Variants in AGMO observed in about 807,000 individuals in gnomAD.
AGMO encodes alkylglycerol monooxygenase.
A neutral mutation model predicts 60.2 loss-of-function variants in AGMO; 75 were observed. The observed-to-expected ratio is 1.25, with a 90% CI of 1.03 to 1.51. The LOEUF is 1.51. Among genes scored for constraint, AGMO ranks in the 40% most tolerant of loss-of-function variants. AGMO has a pLI of 0.00. For synonymous variants in AGMO, 261 were observed against 177.1 expected (o/e 1.47, Z -3.76); for missense variants, 763 against 525.5 (o/e 1.45, Z -4.42).
chr7:15,394,084 A>C, intron 6 of AGMO, 29 bp downstream of exon 6: 2 of 1,537,442 alleles, frequency 1.3e-6, no homozygotes, highest in South Asian at 2.3e-5. Flanking sequence ...AGAAATGAAG[A>C]AAAGAGAGAA....
intron 12 of AGMO, among the ~76,000 whole-genome samples, chr7:15,250,927 A>G (rs1172788468): frequency 6.6e-6 from 1 of 151,596 alleles, no homozygotes; most frequent in Non-Finnish European, 1.5e-5. Context: ...CCTAGGCAAT[A>G]AGAGCAAAAC....
intron 4 of AGMO, among the ~76,000 whole-genome samples, chr7:15,419,954 G>T (rs1780881829): frequency 6.6e-6 from 1 of 151,950 alleles, no homozygotes; most frequent in Non-Finnish European, 1.5e-5. Flanking sequence ...TCTCCCAATA[G>T]GTTAACAGCA....
intron 3 of AGMO, among the ~76,000 whole-genome samples, chr7:15,493,460 G>A (rs1440428284): frequency 7.6e-6 from 1 of 130,922 alleles, no homozygotes; most frequent in Non-Finnish European, 1.6e-5. Flanking sequence ...TGCAAGCTCC[G>A]CCTCCCGGGT....
chr7:15,347,883 C>T (rs1782090649), intron 12 of AGMO, among the ~76,000 whole-genome samples: 1 of 151,954 alleles, frequency 6.6e-6, no homozygotes, highest in African/African-American at 2.4e-5. Flanking sequence ...ACAGTATCAT[C>T]ACCTTGACAC....
chr7:15,502,281 A>G (rs956636877), intron 3 of AGMO, among the ~76,000 whole-genome samples: 1 of 151,544 alleles, frequency 6.6e-6, no homozygotes, highest in African/African-American at 2.4e-5. Flanking sequence ...CTCCTCCTTC[A>G]TTGCTAAACA....
At chr7:15,529,076 T>C (rs1408198723) in intron 3 of AGMO, among the ~76,000 whole-genome samples, 1 of 152,132 alleles carries the variant, frequency 6.6e-6, no homozygotes, top group Admixed American at 6.6e-5. Flanking sequence ...TTTGATCTAA[T>C]TAAAACGTTC....
At chr7:15,548,112 G>C (rs1254147750) in intron 2 of AGMO, among the ~76,000 whole-genome samples, 1 of 152,072 alleles carries the variant, frequency 6.6e-6, no homozygotes, top group African/African-American at 2.4e-5. Context: ...GGTCATGTCT[G>C]TTAGAAGGAA....
At chr7:15,194,759 T>C in the AGMO span, among the ~76,000 whole-genome samples, 3 of 152,206 alleles carry the variant, frequency 2.0e-5, no homozygotes, top group African/African-American at 4.8e-5. Flanking sequence ...TTTATGCATC[T>C]TGCAGCCTAT....
chr7:15,508,428 A>T (rs762208298), intron 3 of AGMO, among the ~76,000 whole-genome samples: 16 of 152,174 alleles, frequency 1.1e-4, no homozygotes, highest in African/African-American at 3.6e-4. Flanking sequence ...TTGTTTTCAT[A>T]AACAGTGGAA....
chr7:15,196,336 A>G (rs777098164), downstream of AGMO, among the ~76,000 whole-genome samples: 3 of 152,146 alleles, frequency 2.0e-5, no homozygotes, highest in African/African-American at 4.8e-5. Context: ...GGTGTGAGCC[A>G]CCACGCCCGG....
rs143900124 is a variant in AGMO, at chr7:15,336,831, A to G, written c.1263+28683T>C. 2.0e-3 allele frequency among the ~76,000 whole-genome samples: 306 copies of G among 152,334 alleles called. 1 individual carries two copies. The highest frequency in any genetic ancestry group is 2.5e-3 in the African/African-American group (102 of 41,590). ...TTACTTATCAGGCTCTACATAACAT[A>G]TATTTCAGGCAAATCAAGATGGCCT... On this transcript the variant is annotated intron_variant, in intron 12 of 12. Transcript: ENST00000342526.
Position 15,387,392 on chromosome 7 carries a change from T to C in AGMO, c.957+14A>G, listed in dbSNP as rs1375895952. 1.9e-6 allele frequency: 3 copies of C among 1,610,652 alleles called. No individual in the cohort carries two copies. Among genetic ancestry groups the C allele is most frequent in the African/African-American group, 1.3e-5 (1 of 74,676 alleles). On this transcript the variant is annotated intron_variant, in intron 9 of 12. Transcript: ENST00000342526. ...ACAATCTTCACCATCTCCAATTCTG[T>C]GAACTCTATTTACCTCTGGAATTTC...
intron 12 of AGMO, among the ~76,000 whole-genome samples, chr7:15,354,390 GTA>G (rs1236457185): frequency 2.7e-5 from 1 of 37,542 alleles, no homozygotes; most frequent in Non-Finnish European, 4.3e-5. Context: ...ACACGTGTGT[GTA>G]TACACGTGTG....
At chr7:15,548,610 T>G (rs911538176) in intron 2 of AGMO, among the ~76,000 whole-genome samples, 14 of 151,956 alleles carry the variant, frequency 9.2e-5, no homozygotes, top group African/African-American at 1.9e-4. Flanking sequence ...AAGGGAAGTT[T>G]AGAGAAAAAA....
chr7:15,221,586 T>C (rs144051319), intron 12 of AGMO, among the ~76,000 whole-genome samples: 25 of 152,254 alleles, frequency 1.6e-4, no homozygotes, highest in Admixed American at 4.6e-4. Flanking sequence ...TTCTTCTCCT[T>C]GGTGAGAAGC....
the AGMO span, among the ~76,000 whole-genome samples, chr7:15,182,284 T>A: frequency 1.3e-5 from 2 of 152,164 alleles, no homozygotes; most frequent in African/African-American, 4.8e-5. Flanking sequence ...ACAGTGCTAA[T>A]GGTTACACAA....
At chr7:15,502,247 G>A (rs977484207) in intron 3 of AGMO, among the ~76,000 whole-genome samples, 4 of 151,992 alleles carry the variant, frequency 2.6e-5, no homozygotes, top group Admixed American at 2.0e-4. Flanking sequence ...GACTAGAGGA[G>A]ATCAACTGAG....
chr7:15,313,819 T>G lies in AGMO; in HGVS notation c.1263+51695A>C, dbSNP rs770477311. Among the ~76,000 whole-genome samples, 26 of 152,136 alleles carry G rather than the reference T, an allele frequency of 1.7e-4. No individual in the cohort carries two copies. In the South Asian group the frequency reaches 2.7e-3, roughly 16 times the overall value. On this transcript the variant is annotated intron_variant, in intron 12 of 12. Transcript: ENST00000342526. ...AAATATTAATAACAATAACTAATAA[T>G]AACATAGTACAATTATAGCAATGTT... is the stretch of plus-strand genomic sequence containing the variant.
intron 3 of AGMO, among the ~76,000 whole-genome samples, chr7:15,473,034 A>C (rs1409728578): frequency 6.6e-6 from 1 of 151,976 alleles, no homozygotes; most frequent in Non-Finnish European, 1.5e-5. Context: ...AAATATCAAC[A>C]ATTCATAAAT....
Sources: gnomAD v4.1 joint callset for allele counts (sites outside exome capture counted in the v4.1 genomes callset) on GRCh38, gnomAD v4.1.1 for gene constraint, MANE v1.5 for transcripts, NCBI Gene and HGNC (gene_info 2026-07-23, HGNC 2026-07-21) for gene names.